Variants in ELFN2 observed in about 807,000 individuals in gnomAD.
The protein encoded by ELFN2 is protein phosphatase 1 regulatory subunit 29.
In ELFN2, 17 loss-of-function variants were observed where a neutral mutation model predicts 45.5. The ratio of observed to expected loss-of-function variants is 0.37; its 90% CI spans 0.26 to 0.56. ELFN2 has a LOEUF of 0.56. Ranked by LOEUF, ELFN2 falls within the 20% of genes least tolerant of loss-of-function variation. ELFN2 has a pLI of 0.77. For synonymous variants in ELFN2, 550 were observed against 551.5 expected, an observed-to-expected ratio of 1.00 and a Z score of 0.04; for missense variants, 922 against 1,183.2, an observed-to-expected ratio of 0.78 and a Z score of 3.24.
intron 1 of ELFN2, among the ~76,000 whole-genome samples, chr22:37,361,624 C>T (rs535932449): frequency 1.1e-4 from 16 of 152,158 alleles, no homozygotes; most frequent in African/African-American, 3.6e-4. Flanking sequence ...CTGACTTCTA[C>T]CCCCAGGCCC....
intron 1 of ELFN2, among the ~76,000 whole-genome samples, chr22:37,356,120 G>A (rs6000686): frequency 0.37 from 55,807 of 151,990 alleles, 10,470 homozygotes; most frequent in Middle Eastern, 0.45. Context: ...TACAAGGGTC[G>A]TTACGGAGGT....
chr22:37,403,787 T>C (rs2145674199), intron 2 of ELFN2, among the ~76,000 whole-genome samples: 1 of 152,322 alleles, frequency 6.6e-6, no homozygotes, highest in East Asian at 1.9e-4. Context: ...CCGCCGTGTA[T>C]GCACACGTGT....
intron 2 of ELFN2, among the ~76,000 whole-genome samples, chr22:37,415,414 A>G (rs1932749959): frequency 6.6e-6 from 1 of 152,324 alleles, no homozygotes; most frequent in African/African-American, 2.4e-5. Flanking sequence ...AAGTGCACAC[A>G]CAGGCCCTGG....
downstream of ELFN2, among the ~76,000 whole-genome samples, chr22:37,365,500 C>T (rs1427356985): frequency 1.3e-5 from 2 of 152,088 alleles, no homozygotes; most frequent in South Asian, 2.1e-4. Flanking sequence ...GAAGCCTGCC[C>T]GGGCTGGAGA....
chr22:37,424,108 G>A (rs531750475), intron 1 of ELFN2, among the ~76,000 whole-genome samples: 3 of 152,280 alleles, frequency 2.0e-5, no homozygotes, highest in Admixed American at 6.5e-5. Flanking sequence ...CATGGGGCAG[G>A]TGGGGGCACC....
chr22:37,415,095 G>A (rs1932742078), intron 2 of ELFN2, among the ~76,000 whole-genome samples: 1 of 152,204 alleles, frequency 6.6e-6, no homozygotes, highest in African/African-American at 2.4e-5. Context: ...TGGCAGTGTT[G>A]GGATCTCAGC....
At chr22:37,387,470 C>G (rs1931979023) in intron 2 of ELFN2, among the ~76,000 whole-genome samples, 1 of 152,174 alleles carries the variant, frequency 6.6e-6, no homozygotes, top group Non-Finnish European at 1.5e-5. Context: ...CACCTTCCCC[C>G]TCTGTAGCCT....
intron 1 of ELFN2, among the ~76,000 whole-genome samples, chr22:37,361,750 A>G (rs1931092337): frequency 6.6e-6 from 1 of 152,086 alleles, no homozygotes; most frequent in South Asian, 2.1e-4. Context: ...CAGCTAACAA[A>G]CTGTTAGAAT....
intron 2 of ELFN2, among the ~76,000 whole-genome samples, chr22:37,415,240 T>G (rs1340700030): frequency 6.6e-6 from 1 of 152,190 alleles, no homozygotes; most frequent in Non-Finnish European, 1.5e-5. Context: ...GACAGGACAG[T>G]CTTCCCCTGA....
chr22:37,419,334 A>AAC lies in ELFN2; in HGVS notation c.-613-1417_-613-1416dup, dbSNP rs373846446. Among the ~76,000 whole-genome samples the AAC allele has an allele frequency of 3.5e-3, 521 of 150,322 alleles. 2 individuals are homozygous for AAC. The highest frequency in any genetic ancestry group is 7.4e-3 in the African/African-American group (305 of 41,030). On this transcript the variant is annotated intron_variant, in intron 1 of 2. Coordinates refer to ENST00000402918, the MANE Select transcript of ELFN2 (RefSeq NM_052906.5). The stretch of plus-strand genomic sequence containing the variant: ...ACCCCAGAGGCACACACTATACCCT[A>AAC]ACACACACACACACACATAGACCTG...
intron 1 of ELFN2, among the ~76,000 whole-genome samples, chr22:37,343,883 C>A (rs903191415): frequency 3.9e-5 from 6 of 152,070 alleles, no homozygotes; most frequent in Admixed American, 2.6e-4. Flanking sequence ...CAGTGCTATT[C>A]CTCCTGATGC....
chr22:37,373,594 C>T lies in ELFN2; in HGVS notation c.1941G>A (p.Val647=), dbSNP rs756633140. Residue 647 remains valine (V), a synonymous_variant, in exon 3 of 3, where the codon GTG becomes GTA. Coordinates refer to ENST00000402918, the MANE Select transcript of ELFN2 (RefSeq NM_052906.5). ...IKSAKVFSLD[V]PDHPAATGLA... ...GCCCTGTGGCGGCCGGATGGTCGGGCACGTCCAGGCTAAAGACCTTGGCGC... is the reference window on the plus strand; with the variant it reads ...GCCCTGTGGCGGCCGGATGGTCGGGTACGTCCAGGCTAAAGACCTTGGCGC... 1 of 1,607,454 alleles carries T rather than the reference C, an allele frequency of 6.2e-7. No individual in the cohort carries two copies. Among genetic ancestry groups the T allele is most frequent in the Non-Finnish European group, 8.5e-7 (1 of 1,178,110 alleles).
chr22:37,382,704 G>A (rs1012245838), intron 2 of ELFN2, among the ~76,000 whole-genome samples: 41 of 151,782 alleles, frequency 2.7e-4, no homozygotes, highest in Admixed American at 1.8e-3. Context: ...CGCATGCCAC[G>A]ACGCCCAGCT....
chr22:37,353,801 C>T (rs987343751), intron 1 of ELFN2: 2 of 151,060 alleles, frequency 1.3e-5, no homozygotes, highest in Non-Finnish European at 3.0e-5. Flanking sequence ...GCGGAACTTT[C>T]ATCTCTGGTG....
chr22:37,368,261 T>C lies in ELFN2; in HGVS notation c.*4811A>G, dbSNP rs1200980926. The C allele has an allele frequency of 6.6e-6, 1 of 152,332 alleles. No homozygotes were observed. The highest frequency in any genetic ancestry group is 2.1e-4 in the South Asian group (1 of 4,812). 9.4% of individuals were successfully genotyped at this position (152,332 alleles called of 1,614,324 possible). Reference sequence around the variant, plus strand: ...AACCAGGTGCCCAACCACAGCCAACTTGGGGACTGGCGGCTCCTGAGGAAG... The same window carrying C: ...AACCAGGTGCCCAACCACAGCCAACCTGGGGACTGGCGGCTCCTGAGGAAG... On this transcript the variant is annotated 3_prime_UTR_variant, in exon 3 of 3. Transcript: ENST00000402918.
rs760820903 is a variant in ELFN2, at chr22:37,374,909, T to C, written c.626A>G (p.Asn209Ser). 12 of 1,612,338 alleles carry C rather than the reference T, an allele frequency of 7.4e-6. No homozygotes were observed. The highest frequency in any genetic ancestry group is 2.2e-5 in the South Asian group (2 of 91,076). ...WLVVFNNVTK[N>S]YDRLQCESPR... Reference sequence around the variant, plus strand: ...CGACTCACACTGCAGGCGGTCGTAGTTCTTGGTGACGTTGTTGAAGACCAC... The same window carrying C: ...CGACTCACACTGCAGGCGGTCGTAGCTCTTGGTGACGTTGTTGAAGACCAC... Residue 209 changes from asparagine (N) to serine (S), a missense_variant, in exon 3 of 3, where the codon AAC becomes AGC. Transcript: ENST00000402918.
chr22:37,371,737 C>A lies in ELFN2; in HGVS notation c.*1335G>T, dbSNP rs920135894. ...CTGGCTGGGAGGGGCTGGGGCGCCACGAACCCAGCCTGCTCCTCAACCCTC... is the reference window on the plus strand; with the variant it reads ...CTGGCTGGGAGGGGCTGGGGCGCCAAGAACCCAGCCTGCTCCTCAACCCTC... On this transcript the variant is annotated 3_prime_UTR_variant, in exon 3 of 3. Transcript: ENST00000402918. This position sits in a 1 kb window ranked among gnomAD's most constrained non-coding sequence, Gnocchi z 6.4. The A allele has an allele frequency of 6.6e-6, 1 of 152,558 alleles. No homozygotes were observed. The highest frequency in any genetic ancestry group is 2.1e-4 in the South Asian group (1 of 4,822). 9.5% of individuals were successfully genotyped at this position (152,558 alleles called of 1,614,324 possible).
intron 1 of ELFN2, among the ~76,000 whole-genome samples, chr22:37,350,126 G>A (rs755156019): frequency 6.6e-6 from 1 of 150,932 alleles, no homozygotes; most frequent in East Asian, 1.9e-4. Context: ...GTCGGAGAAG[G>A]GAACCCCACA....
chr22:37,414,556 T>G (rs1932731029), intron 2 of ELFN2, among the ~76,000 whole-genome samples: 1 of 152,204 alleles, frequency 6.6e-6, no homozygotes, highest in African/African-American at 2.4e-5. Context: ...GAAACCAGGT[T>G]GCGATGCAGC....
Sources: allele counts gnomAD v4.1 joint callset (sites outside exome capture counted in the v4.1 genomes callset), GRCh38; gene constraint gnomAD v4.1.1; non-coding constraint Gnocchi (gnomAD v3.1); transcripts MANE v1.5; gene names NCBI Gene and HGNC (gene_info 2026-07-23, HGNC 2026-07-21).